The following TSPAN5 variants were observed in gnomAD, a reference collection of about 807,000 sequenced individuals.
TSPAN5 encodes the protein tetraspanin-5.
Under a neutral mutation model 37.1 loss-of-function variants are expected in TSPAN5, and 10 were observed. That is an observed-to-expected ratio of 0.27 (90% CI 0.17 to 0.46). The LOEUF (loss-of-function observed/expected upper bound fraction) is 0.46, where lower values mean the gene tolerates loss of function less well. TSPAN5 is among the 20% of genes least tolerant of loss of function. TSPAN5 has a pLI of 1.00. For synonymous variants in TSPAN5, 110 were observed against 118.9 expected (o/e 0.93, Z 0.48); for missense variants, 195 against 326.6 (o/e 0.60, Z 3.11).
intron 1 of TSPAN5, among the ~76,000 whole-genome samples, chr4:98,574,181 C>T (rs1560543223): frequency 6.6e-6 from 1 of 152,142 alleles, no homozygotes; most frequent in Admixed American, 6.5e-5. Context: ...TAACCCGTTA[C>T]CAAAAACAGC....
At chr4:98,587,332 G>A (rs757117672) in intron 1 of TSPAN5, among the ~76,000 whole-genome samples, 13 of 152,184 alleles carry the variant, frequency 8.5e-5, no homozygotes, top group Non-Finnish European at 1.6e-4. Context: ...CAGACACCAT[G>A]ATTTCTAGAG....
chr4:98,623,028 C>G (rs1331576747), intron 1 of TSPAN5, among the ~76,000 whole-genome samples: 2 of 152,114 alleles, frequency 1.3e-5, no homozygotes, highest in African/African-American at 4.8e-5. Context: ...AAAGGATAAA[C>G]ACCATTTTAC....
chr4:98,486,993 G>A (rs959407610), intron 2 of TSPAN5, 109 bp from the exon 3 acceptor site: 1 of 1,089,506 alleles, frequency 9.2e-7, no homozygotes, highest in Non-Finnish European at 1.3e-6. Context: ...AACCTTCAGA[G>A]GGCATCTGAT....
chr4:98,619,515 T>C (rs1251241524), intron 1 of TSPAN5, among the ~76,000 whole-genome samples: 1 of 152,212 alleles, frequency 6.6e-6, no homozygotes, highest in Non-Finnish European at 1.5e-5. Context: ...TCAACTTTTA[T>C]TTCAAAGTCT....
intron 1 of TSPAN5, among the ~76,000 whole-genome samples, chr4:98,585,209 T>C (rs1434625646): frequency 1.3e-5 from 2 of 152,218 alleles, no homozygotes; most frequent in Non-Finnish European, 2.9e-5. Flanking sequence ...AACTCTAGGC[T>C]TGTAGTGTAC....
intron 1 of TSPAN5, among the ~76,000 whole-genome samples, chr4:98,636,501 C>G (rs1756858882): frequency 6.6e-6 from 1 of 152,134 alleles, no homozygotes; most frequent in African/African-American, 2.4e-5. Flanking sequence ...CTAGAGAAAT[C>G]TCCTGCAGTA....
intron 2 of TSPAN5, among the ~76,000 whole-genome samples, chr4:98,496,933 C>A (rs1315931519): frequency 6.6e-6 from 1 of 152,110 alleles, no homozygotes; most frequent in Non-Finnish European, 1.5e-5. Flanking sequence ...TACCCTAAGC[C>A]CCCGTGTGGT....
chr4:98,542,382 GT>G (rs1221679146), intron 1 of TSPAN5, among the ~76,000 whole-genome samples: 1 of 152,162 alleles, frequency 6.6e-6, no homozygotes, highest in Non-Finnish European at 1.5e-5. Flanking sequence ...TCAAGAAATA[GT>G]TGTTTCTGTA....
intron 2 of TSPAN5, among the ~76,000 whole-genome samples, chr4:98,502,053 G>A (rs966788281): frequency 1.3e-5 from 2 of 152,178 alleles, no homozygotes; most frequent in African/African-American, 4.8e-5. Flanking sequence ...TTGCTGATGG[G>A]CTGAATATGG....
intron 7 of TSPAN5, among the ~76,000 whole-genome samples, chr4:98,473,798 T>C (rs1752638420): frequency 6.6e-6 from 1 of 152,164 alleles, no homozygotes; most frequent in African/African-American, 2.4e-5. Flanking sequence ...TTTTTAATAA[T>C]TTAAGGGACT....
chr4:98,568,835 A>C (rs1335177329), intron 1 of TSPAN5, among the ~76,000 whole-genome samples: 1 of 152,262 alleles, frequency 6.6e-6, no homozygotes, highest in African/African-American at 2.4e-5. Context: ...AAGGGTAAGA[A>C]TGTCAATCAG....
At chr4:98,550,320 G>A (rs746514071) in intron 1 of TSPAN5, among the ~76,000 whole-genome samples, 10 of 152,188 alleles carry the variant, frequency 6.6e-5, no homozygotes, top group Non-Finnish European at 1.2e-4. Context: ...GTAACGTGAC[G>A]CCTCTAGATT....
chr4:98,490,580 A>T (rs1386885764), intron 2 of TSPAN5, among the ~76,000 whole-genome samples: 1 of 152,042 alleles, frequency 6.6e-6, no homozygotes, highest in Non-Finnish European at 1.5e-5. Flanking sequence ...TGCTGGGGGG[A>T]ACTAATCTCC....
At chr4:98,592,207 T>C (rs1755652080) in intron 1 of TSPAN5, among the ~76,000 whole-genome samples, 1 of 149,398 alleles carries the variant, frequency 6.7e-6, no homozygotes, top group Admixed American at 6.7e-5. Context: ...TTGAAAGAGT[T>C]CAGAGAACTG....
chr4:98,510,163 T>A (rs1267464427), intron 1 of TSPAN5, among the ~76,000 whole-genome samples: 1 of 152,166 alleles, frequency 6.6e-6, no homozygotes, highest in Non-Finnish European at 1.5e-5. Context: ...GCTCTTATTA[T>A]CCCCTTTTTA....
At chr4:98,638,091 G>A (rs1398555273) in intron 1 of TSPAN5, among the ~76,000 whole-genome samples, 1 of 152,100 alleles carries the variant, frequency 6.6e-6, no homozygotes, top group African/African-American at 2.4e-5. Flanking sequence ...GACCACCCTT[G>A]CGCCTTGCCT....
At chr4:98,535,712 T>A (rs1754215472) in intron 1 of TSPAN5, among the ~76,000 whole-genome samples, 2 of 152,358 alleles carry the variant, frequency 1.3e-5, no homozygotes, top group African/African-American at 4.8e-5. Context: ...CCCATATTTG[T>A]TGGAGGCTTT....
chr4:98,603,399 G>T (rs1013298246), intron 1 of TSPAN5, among the ~76,000 whole-genome samples: 3 of 152,188 alleles, frequency 2.0e-5, no homozygotes, highest in Non-Finnish European at 4.4e-5. Context: ...TTTTATAAAA[G>T]ATCAGATTTC....
intron 3 of TSPAN5, chr4:98,486,405 A>G (rs1752959416): frequency 4.8e-6 from 1 of 209,418 alleles, no homozygotes; most frequent in Admixed American, 5.9e-5. Flanking sequence ...ATGTGCATTA[A>G]AACGGTGGGA....
Sources: gnomAD v4.1 joint callset for allele counts (sites outside exome capture counted in the v4.1 genomes callset) on GRCh38, gnomAD v4.1.1 for gene constraint, MANE v1.5 for transcripts, NCBI Gene and HGNC (gene_info 2026-07-23, HGNC 2026-07-21) for gene names.